The following LYPLAL1 variants were observed in gnomAD, a reference collection of about 807,000 sequenced individuals.
The protein encoded by LYPLAL1 is lysophospholipase like 1.
In LYPLAL1, 23 loss-of-function variants were observed where a neutral mutation model predicts 19.7. The observed-to-expected ratio is 1.17, with a 90% CI of 0.84 to 1.65. The LOEUF is 1.65. Ranked by LOEUF, LYPLAL1 falls within the 40% of genes most tolerant of loss-of-function variation. The pLI is 0.00. For missense variants in LYPLAL1, 355 were observed against 279.4 expected (o/e 1.27, Z -1.93); for synonymous variants, 119 against 96.3 (o/e 1.24, Z -1.38).
At chr1:219,200,116 A>G (rs1193832942) in intron 3 of LYPLAL1, 1 of 231,120 alleles carries the variant, frequency 4.3e-6, no homozygotes, top group African/African-American at 2.3e-5. Context: ...CTCCCATGAC[A>G]GTGGAACATA....
the LYPLAL1 span, among the ~76,000 whole-genome samples, chr1:219,289,080 TTTTTTTG>T: frequency 6.7e-6 from 1 of 150,046 alleles, no homozygotes; most frequent in Non-Finnish European, 1.5e-5. Flanking sequence ...CTTGTTTTGT[TTTTTTTG>T]TTTTTTTTGC....
chr1:219,438,328 C>A, the LYPLAL1 span, among the ~76,000 whole-genome samples: 1 of 152,136 alleles, frequency 6.6e-6, no homozygotes, highest in East Asian at 1.9e-4. Flanking sequence ...TTCAGGTTAA[C>A]AGAGGGAACT....
At chr1:219,262,092 C>G in the LYPLAL1 span, among the ~76,000 whole-genome samples, 5 of 152,008 alleles carry the variant, frequency 3.3e-5, no homozygotes, top group Admixed American at 6.5e-5. Context: ...ATTCAAAAGC[C>G]TTGTTTTTGA....
the LYPLAL1 span, among the ~76,000 whole-genome samples, chr1:219,294,469 A>G: frequency 2.2e-4 from 33 of 152,326 alleles, 1 homozygote; most frequent in East Asian, 6.0e-3. Flanking sequence ...TCCAAGAGCA[A>G]CTTGAGCTGC....
chr1:219,443,921 C>A, the LYPLAL1 span, among the ~76,000 whole-genome samples: 1 of 152,172 alleles, frequency 6.6e-6, no homozygotes, highest in Non-Finnish European at 1.5e-5. Context: ...CATTGCAGGG[C>A]CCACTCATAC....
the LYPLAL1 span, among the ~76,000 whole-genome samples, chr1:219,301,451 T>C: frequency 6.6e-6 from 1 of 152,182 alleles, no homozygotes; most frequent in African/African-American, 2.4e-5. Flanking sequence ...AAAAGGAATT[T>C]GTGATTATAG....
intron 3 of LYPLAL1, among the ~76,000 whole-genome samples, chr1:219,208,558 C>G (rs1199937101): frequency 6.6e-6 from 1 of 151,960 alleles, no homozygotes; most frequent in Non-Finnish European, 1.5e-5. Context: ...AAGCACTATA[C>G]TTACCACTGA....
chr1:219,362,846 G>A, the LYPLAL1 span, among the ~76,000 whole-genome samples: 1 of 151,946 alleles, frequency 6.6e-6, no homozygotes, highest in African/African-American at 2.4e-5. Flanking sequence ...ACTCAGGAGA[G>A]GTTAGAGGAA....
chr1:219,250,062 A>G, the LYPLAL1 span, among the ~76,000 whole-genome samples: 3 of 151,958 alleles, frequency 2.0e-5, no homozygotes, highest in African/African-American at 7.2e-5. Context: ...TATGTTTAGC[A>G]TCTTTTGAGT....
the LYPLAL1 span, among the ~76,000 whole-genome samples, chr1:219,370,747 C>T: frequency 8.5e-4 from 130 of 152,276 alleles, no homozygotes; most frequent in Non-Finnish European, 1.6e-3. Flanking sequence ...ATATGGAGTT[C>T]AGAAAGCAAT....
chr1:219,289,073 G>GTTTT, the LYPLAL1 span, among the ~76,000 whole-genome samples: 26 of 77,742 alleles, frequency 3.3e-4, no homozygotes, highest in Admixed American at 6.5e-4. Flanking sequence ...GTTACCTCTT[G>GTTTT]TTTTGTTTTT....
At chr1:219,196,686 A>G (rs1657628925) in intron 3 of LYPLAL1, among the ~76,000 whole-genome samples, 1 of 152,168 alleles carries the variant, frequency 6.6e-6, no homozygotes, top group Non-Finnish European at 1.5e-5. Flanking sequence ...GTGTGTTCAA[A>G]TAGGAAGAGA....
At chr1:219,207,852 T>G (rs1487739928) in intron 3 of LYPLAL1, among the ~76,000 whole-genome samples, 1 of 152,068 alleles carries the variant, frequency 6.6e-6, no homozygotes, top group Non-Finnish European at 1.5e-5. Context: ...TATGATTCCT[T>G]CTGTTAAAGA....
chr1:219,261,784 C>T, the LYPLAL1 span, among the ~76,000 whole-genome samples: 1 of 152,138 alleles, frequency 6.6e-6, no homozygotes, highest in African/African-American at 2.4e-5. Context: ...ACCTTTGCCT[C>T]ACTTCATCTT....
Position 219,193,231 on chromosome 1 carries a change from A to G in LYPLAL1, c.341A>G (p.Lys114Arg), listed in dbSNP as rs771366432. Reference sequence around the variant, plus strand: ...GATGAAGAAGTAAAAAGTGGCATCAAGAAGAACAGGATATTAATAGGTAAG... The same window carrying G: ...GATGAAGAAGTAAAAAGTGGCATCAGGAAGAACAGGATATTAATAGGTAAG... ...LIDEEVKSGIKKNRILIGGFS... is the reference protein window; with the variant it reads ...LIDEEVKSGIRKNRILIGGFS... Residue 114 changes from lysine to arginine, a missense_variant, in exon 3 of 5, where the codon AAG (lysine) becomes AGG (arginine). Physicochemically the swap from Lys to Arg is conservative, Grantham distance 26. Transcript: ENST00000366928. The G allele has an allele frequency of 1.2e-6, 2 of 1,609,930 alleles. No individual in the cohort carries two copies. Among genetic ancestry groups the G allele is most frequent in the South Asian group, 1.1e-5 (1 of 90,902 alleles).
the LYPLAL1 span, among the ~76,000 whole-genome samples, chr1:219,312,037 C>T: frequency 6.6e-6 from 1 of 152,150 alleles, no homozygotes; most frequent in Non-Finnish European, 1.5e-5. Flanking sequence ...GCTTTCTGAG[C>T]ACTTGCCAAG....
At chr1:219,228,923 C>A in the LYPLAL1 span, among the ~76,000 whole-genome samples, 1 of 151,974 alleles carries the variant, frequency 6.6e-6, no homozygotes, top group Non-Finnish European at 1.5e-5. Context: ...AGGTGATCCG[C>A]CTGCCTAGGC....
chr1:219,362,764 G>A, the LYPLAL1 span, among the ~76,000 whole-genome samples: 1 of 152,104 alleles, frequency 6.6e-6, no homozygotes, highest in Non-Finnish European at 1.5e-5. Context: ...TATTGTACAA[G>A]TAGTGAGTTT....
At chr1:219,205,468 A>G (rs549368269) in intron 3 of LYPLAL1, among the ~76,000 whole-genome samples, 14 of 152,178 alleles carry the variant, frequency 9.2e-5, no homozygotes, top group Non-Finnish European at 1.6e-4. Context: ...TCAAATTAGT[A>G]TTACATGAAA....
Sources: allele counts gnomAD v4.1 joint callset (sites outside exome capture counted in the v4.1 genomes callset), GRCh38; gene constraint gnomAD v4.1.1; transcripts MANE v1.5; gene names NCBI Gene and HGNC (gene_info 2026-07-23, HGNC 2026-07-21).